The following BBOF1 variants were observed in gnomAD, a reference collection of about 807,000 sequenced individuals.
BBOF1 encodes basal body orientation factor 1.
A neutral mutation model predicts 68.0 loss-of-function variants in BBOF1; 62 were observed. The ratio of observed to expected loss-of-function variants is 0.91; its 90% confidence interval spans 0.74 to 1.13. The LOEUF is 1.13. Ranked by LOEUF, BBOF1 falls within the 50% of genes most tolerant of loss-of-function variation. The pLI is 0.00. For synonymous variants in BBOF1, 208 were observed against 198.8 expected (o/e 1.05, Z -0.39); for missense variants, 534 against 600.1 (o/e 0.89, Z 1.15).
At chr14:74,071,931 A>G (rs1217471261) in intron 9 of BBOF1, 1 of 1,614,218 alleles carries the variant, frequency 6.2e-7, no homozygotes, top group South Asian at 1.1e-5. Flanking sequence ...AGCATCAGCT[A>G]GGGTCTTCCC....
intron 10 of BBOF1, chr14:74,078,496 G>A (rs2060637149): frequency 4.2e-6 from 1 of 238,136 alleles, no homozygotes; most frequent in Non-Finnish European, 8.4e-6. Context: ...TGAGACCACA[G>A]GCACATACCA....
At chr14:74,044,319 C>A (rs1320247033) in intron 5 of BBOF1, among the ~76,000 whole-genome samples, 2 of 151,866 alleles carry the variant, frequency 1.3e-5, no homozygotes, top group African/African-American at 4.8e-5. Context: ...TACCTTATTA[C>A]CCCATTTATT....
chr14:74,076,684 C>T (rs955996296), intron 9 of BBOF1, among the ~76,000 whole-genome samples: 3 of 152,056 alleles, frequency 2.0e-5, no homozygotes, highest in Non-Finnish European at 4.4e-5. Context: ...TTACAGACAC[C>T]CGCCACCATG....
At chr14:74,039,669 C>G (rs2059789497) in intron 4 of BBOF1, among the ~76,000 whole-genome samples, 1 of 151,256 alleles carries the variant, frequency 6.6e-6, no homozygotes, top group African/African-American at 2.4e-5. Context: ...ACTCCTGGAT[C>G]TCAGGTCATC....
rs750391204 is a variant in BBOF1 at position 74,060,781 on chromosome 14, C to A, written c.1578+3523C>A. The A allele has an allele frequency of 2.1e-6, 3 of 1,460,276 alleles. No homozygotes were observed. In the Admixed American group the frequency reaches 5.0e-5, roughly 24 times the overall value. The allele number at this position is 1,460,276 out of a possible 1,614,324, so 90.5% of individuals were successfully genotyped here. A position where few individuals can be genotyped will look rare whatever the true frequency, so the allele number is the denominator to read the frequency against. On this transcript the variant is annotated intron_variant, in intron 11 of 11. Transcript: ENST00000394009. ...ACAGAAAAAAAGTTAGCATATATTT[C>A]TGGGGTTTCATGATTCTTCTTTTAA...
chr14:74,079,693 A>G (rs1955424080), intron 10 of BBOF1, among the ~76,000 whole-genome samples: 1 of 152,028 alleles, frequency 6.6e-6, no homozygotes, highest in Non-Finnish European at 1.5e-5. Context: ...CAGCCTCCCA[A>G]AGTGCTGGGA....
At chr14:74,049,678 C>A in intron 7 of BBOF1, 24 bp from the exon 8 acceptor site, 1 of 1,527,422 alleles carries the variant, frequency 6.5e-7, no homozygotes, top group South Asian at 1.3e-5. Context: ...AAAAAAAAAT[C>A]ACCTCTCATC....
At chr14:74,058,608 T>TA (rs914080024) in intron 11 of BBOF1, 3 of 151,776 alleles carry the variant, frequency 2.0e-5, no homozygotes, top group Admixed American at 6.6e-5. Flanking sequence ...TTTTTTTTTT[T>TA]ATCATACTTA....
intron 8 of BBOF1, among the ~76,000 whole-genome samples, chr14:74,054,385 GT>G (rs893421010): frequency 1.6e-4 from 22 of 141,642 alleles, no homozygotes; most frequent in South Asian, 2.3e-4. Context: ...TTTTTTTGTT[GT>G]TTTTTTTTTT....
In BBOF1 at chr14:74,064,937, C is replaced by G. The variant is rs746374534; in HGVS notation, c.*238C>G. Reference sequence around the variant, plus strand: ...CACTCCCACCTAAAACAGAACAAATCCGTGTCATATCCTAAGGACAAAGGA... The same window carrying G: ...CACTCCCACCTAAAACAGAACAAATGCGTGTCATATCCTAAGGACAAAGGA... On this transcript the variant is annotated 3_prime_UTR_variant, in exon 12 of 12. Coordinates refer to ENST00000394009, the MANE Select transcript of BBOF1 (RefSeq NM_025057.3). 1.9e-6 allele frequency: 3 copies of G among 1,605,824 alleles called. No individual in the cohort carries two copies. In the South Asian group the frequency reaches 3.3e-5, roughly 18 times the overall value.
chr14:74,034,409 C>T (rs2059649271), intron 4 of BBOF1, among the ~76,000 whole-genome samples: 1 of 152,174 alleles, frequency 6.6e-6, no homozygotes, highest in South Asian at 2.1e-4. Context: ...ACACATCCTC[C>T]TATGTTTATC....
rs368635993 is a variant in BBOF1, at chr14:74,057,993, C to CTAA, written c.1578+736_1578+737insAAT. On this transcript the variant is annotated intron_variant, in intron 11 of 11. Transcript: ENST00000394009. The stretch of plus-strand genomic sequence containing the variant: ...CACTTGGAATATAGACAATAATGAC[C>CTAA]TTTTATTTAACCCAGCCTATAGTTG... The CTAA allele has an allele frequency of 1.3e-3, 1,027 of 791,750 alleles. 3 individuals are homozygous for CTAA. The African/African-American group carries it at 0.014, about 11-fold the overall frequency. 49.0% of individuals were successfully genotyped at this position (791,750 alleles called of 1,614,324 possible).
intron 1 of BBOF1, among the ~76,000 whole-genome samples, chr14:74,020,898 C>T (rs899841512): frequency 4.6e-5 from 7 of 152,138 alleles, no homozygotes; most frequent in Non-Finnish European, 1.0e-4. Flanking sequence ...AAAGGGACAT[C>T]AACAGCTATA....
intron 11 of BBOF1, chr14:74,057,946 T>C (rs2060256079): frequency 5.3e-6 from 5 of 943,806 alleles, no homozygotes; most frequent in Non-Finnish European, 6.3e-6. Flanking sequence ...ATGTTAGGAA[T>C]CTCTGTGACT....
chr14:74,051,060 A>G (rs1167427473), intron 8 of BBOF1, among the ~76,000 whole-genome samples: 2 of 152,126 alleles, frequency 1.3e-5, no homozygotes, highest in Non-Finnish European at 2.9e-5. Context: ...CCTGACCAAC[A>G]TGGTGAAACC....
At chr14:74,075,242 A>T (rs76384931) in intron 9 of BBOF1, among the ~76,000 whole-genome samples, 2,846 of 152,140 alleles carry the variant, frequency 0.019, 57 homozygotes, top group African/African-American at 0.051. Context: ...AGTACTGATT[A>T]AAAAAAATCT....
At chr14:74,027,510 A>G (rs530312018) in intron 2 of BBOF1, among the ~76,000 whole-genome samples, 1 of 151,288 alleles carries the variant, frequency 6.6e-6, no homozygotes, top group East Asian at 1.9e-4. Flanking sequence ...AGAATCATCA[A>G]TGGATGCTAA....
chr14:74,037,391 C>T (rs2059731339), intron 4 of BBOF1, among the ~76,000 whole-genome samples: 1 of 147,336 alleles, frequency 6.8e-6, no homozygotes, highest in African/African-American at 2.5e-5. Context: ...TCCCTGGGCT[C>T]AAGTGATCCT....
exon 11 of BBOF1, chr14:74,081,074 C>T (rs928118823): frequency 6.6e-6 from 1 of 152,272 alleles, no homozygotes; most frequent in Admixed American, 6.5e-5. Context: ...TAGGTCCCCA[C>T]TCAGCCATCA....
Sources: allele counts gnomAD v4.1 joint callset (sites outside exome capture counted in the v4.1 genomes callset), GRCh38; gene constraint gnomAD v4.1.1; transcripts MANE v1.5; gene names NCBI Gene and HGNC (gene_info 2026-07-23, HGNC 2026-07-21).